RORA: variants seen among roughly 807,000 people sequenced by gnomAD.
RORA encodes RAR related orphan receptor A, also known as nuclear receptor ROR-alpha.
Under a neutral mutation model 69.5 loss-of-function variants are expected in RORA, and 7 were observed. That is an observed-to-expected ratio of 0.10 (90% confidence interval 0.06 to 0.19). The LOEUF is 0.19. Ranked by LOEUF, RORA falls within the 10% of genes least tolerant of loss-of-function variation. The pLI is 1.00. For missense variants in RORA, 457 were observed against 663.0 expected, an observed-to-expected ratio of 0.69 and a Z score of 3.41; for synonymous variants, 261 against 240.8, an observed-to-expected ratio of 1.08 and a Z score of -0.78.
intron 2 of RORA, among the ~76,000 whole-genome samples, chr15:60,604,132 CAAAAAAA>C (rs3053857): frequency 3.3e-5 from 3 of 91,982 alleles, no homozygotes; most frequent in Non-Finnish European, 4.3e-5. Context: ...GACTCTGTCT[CAAAAAAA>C]AAAAAAAAAA....
At chr15:61,214,746 C>T (rs1346974619) in intron 1 of RORA, among the ~76,000 whole-genome samples, 1 of 152,150 alleles carries the variant, frequency 6.6e-6, no homozygotes, top group Non-Finnish European at 1.5e-5. Flanking sequence ...GCCCATACCA[C>T]CCTAACGGTT....
Position 60,653,423 on chromosome 15 carries a change from G to C in RORA, c.196+25234C>G, listed in dbSNP as rs111848684. 4.8e-3 allele frequency among the ~76,000 whole-genome samples: 729 copies of C among 152,140 alleles called. 4 individuals are homozygous for C. The highest frequency in any genetic ancestry group is 0.017 in the African/African-American group (687 of 41,494). On this transcript the variant is annotated intron_variant, in intron 2 of 10. Transcript: ENST00000335670. ...GTGAATATCAAGGGAAACCACAGAA[G>C]ACAAAGTGCACTCGTACAACAAGGA...
In RORA at chr15:61,213,881, T is replaced by C. The variant is rs2080014883; in HGVS notation, c.166+15172A>G. ...AAGGAGGCGATATATTCTATTATAC[T>C]GCCCTTAAACATTTGAAACTTTCGA... On this transcript the variant is annotated intron_variant, in intron 1 of 10. Transcript: ENST00000335670. This position sits in a 1 kb window ranked among gnomAD's most constrained non-coding sequence, Gnocchi z 4.1. 1 of 152,256 alleles carries C rather than the reference T, an allele frequency of 6.6e-6. No individual in the cohort carries two copies. The allele number at this position is 152,256 out of a possible 1,614,324, so 9.4% of individuals were successfully genotyped here.
chr15:60,951,206 A>C (rs1283724163), intron 1 of RORA, among the ~76,000 whole-genome samples: 1 of 152,060 alleles, frequency 6.6e-6, no homozygotes, highest in Admixed American at 6.6e-5. Context: ...ACATAACGAA[A>C]CGAAGGCAGA....
chr15:61,173,168 T>C (rs2079600314), intron 1 of RORA, among the ~76,000 whole-genome samples: 1 of 152,208 alleles, frequency 6.6e-6, no homozygotes, highest in Non-Finnish European at 1.5e-5. Context: ...CTCAATCCTA[T>C]GAGCTGGGTA....
At chr15:60,562,538 C>A (rs181493878) in intron 2 of RORA, among the ~76,000 whole-genome samples, 351 of 151,938 alleles carry the variant, frequency 2.3e-3, no homozygotes, top group Non-Finnish European at 3.3e-3. Flanking sequence ...CGGGTTCAGG[C>A]GATTCTCCTG....
intron 1 of RORA, among the ~76,000 whole-genome samples, chr15:61,214,863 CTTTTT>C (rs34041868): frequency 9.3e-6 from 1 of 107,088 alleles, no homozygotes; most frequent in Non-Finnish European, 1.8e-5. Context: ...CCTTCTTGGA[CTTTTT>C]TTTTTTTTTT....
intron 1 of RORA, among the ~76,000 whole-genome samples, chr15:60,947,264 G>T (rs1423564269): frequency 6.6e-6 from 1 of 152,236 alleles, no homozygotes; most frequent in Non-Finnish European, 1.5e-5. Context: ...GGGGAAATGT[G>T]GGGAAAAGAT....
intron 1 of RORA, among the ~76,000 whole-genome samples, chr15:60,745,500 T>C (rs2071634407): frequency 6.6e-6 from 1 of 152,224 alleles, no homozygotes; most frequent in Non-Finnish European, 1.5e-5. Context: ...CTGATTTTCC[T>C]AAGAGGCAGC....
In RORA at chr15:61,181,548, G is replaced by A. The variant is rs571540477; in HGVS notation, c.166+47505C>T. Among the ~76,000 whole-genome samples, 6 of 152,012 alleles carry A rather than the reference G, an allele frequency of 3.9e-5. No individual in the cohort carries two copies. In the South Asian group the frequency reaches 1.2e-3, roughly 32 times the overall value. On this transcript the variant is annotated intron_variant, in intron 1 of 10. Transcript: ENST00000335670. ...GGGATGCTTATGGGACGTCAAAGAG[G>A]GTTTGAAATTCATGCTCTGAAATTA... is the stretch of plus-strand genomic sequence containing the variant.
chr15:61,059,245 A>G (rs2078137028), intron 1 of RORA, among the ~76,000 whole-genome samples: 1 of 152,220 alleles, frequency 6.6e-6, no homozygotes, highest in South Asian at 2.1e-4. Context: ...GAGGAGGAAA[A>G]AGAGGAATGT....
intron 1 of RORA, among the ~76,000 whole-genome samples, chr15:60,912,519 C>T (rs1385291652): frequency 1.3e-5 from 2 of 152,036 alleles, no homozygotes; most frequent in Admixed American, 1.3e-4. Flanking sequence ...CTTTGGGAGG[C>T]CGAGGCATGT....
rs544736234 is a variant in RORA at position 60,957,093 on chromosome 15, T to C, written c.166+271960A>G. 7.9e-5 allele frequency among the ~76,000 whole-genome samples: 12 copies of C among 152,320 alleles called. No homozygotes were observed. The East Asian group carries it at 2.3e-3, about 29-fold the overall frequency. ...ATTCATAGCCTGTTGGCAGTGTGCCTCCTAAGTGCCAGGCACTGTGCTAAA... is the reference window on the plus strand; with the variant it reads ...ATTCATAGCCTGTTGGCAGTGTGCCCCCTAAGTGCCAGGCACTGTGCTAAA... On this transcript the variant is annotated intron_variant, in intron 1 of 10. Coordinates refer to ENST00000335670, the MANE Select transcript of RORA (RefSeq NM_134261.3).
At chr15:60,805,097 C>T (rs1274206692) in intron 1 of RORA, among the ~76,000 whole-genome samples, 1 of 152,120 alleles carries the variant, frequency 6.6e-6, no homozygotes, top group Non-Finnish European at 1.5e-5. Context: ...TCACTGCTTC[C>T]GCCAGTCACT....
intron 1 of RORA, among the ~76,000 whole-genome samples, chr15:60,949,565 C>T (rs868668538): frequency 6.6e-6 from 1 of 152,172 alleles, no homozygotes. Context: ...CTCCAATTGT[C>T]GTAGCCTCGT....
intron 3 of RORA, 26 bp from the exon 4 acceptor site, chr15:60,514,783 A>AG (rs2065809975): frequency 6.2e-7 from 1 of 1,606,350 alleles, no homozygotes; most frequent in East Asian, 2.2e-5. Flanking sequence ...AAAATATAAA[A>AG]CAGGTTAGTG....
intron 1 of RORA, among the ~76,000 whole-genome samples, chr15:61,072,686 T>C (rs1035753259): frequency 6.6e-6 from 1 of 152,234 alleles, no homozygotes; most frequent in African/African-American, 2.4e-5. Flanking sequence ...TTATAAACCA[T>C]TCTTATTTTA....
intron 1 of RORA, among the ~76,000 whole-genome samples, chr15:60,902,132 TA>T: frequency 1.3e-5 from 2 of 152,324 alleles, no homozygotes; most frequent in South Asian, 4.1e-4. Flanking sequence ...AATACAGTTC[TA>T]ACTCGATTTT....
intron 1 of RORA, among the ~76,000 whole-genome samples, chr15:60,869,817 T>G (rs1275742423): frequency 2.0e-5 from 3 of 152,182 alleles, no homozygotes; most frequent in Non-Finnish European, 4.4e-5. Context: ...CCCTGACACG[T>G]TTTGCCATCC....
Sources: gnomAD v4.1 joint callset for allele counts (sites outside exome capture counted in the v4.1 genomes callset) on GRCh38, gnomAD v4.1.1 for gene constraint, Gnocchi (gnomAD v3.1) non-coding constraint, MANE v1.5 for transcripts, NCBI Gene and HGNC (gene_info 2026-07-23, HGNC 2026-07-21) for gene names.